Variants in RB1 observed in about 807,000 individuals in gnomAD.
RB1 encodes RB transcriptional corepressor 1, also known as retinoblastoma-associated protein.
RB1 carries 18 observed loss-of-function variants against 135.4 expected under a neutral mutation model. The observed-to-expected ratio is 0.13, with a 90% CI of 0.09 to 0.20. RB1 has a LOEUF of 0.20. Ranked by LOEUF, RB1 falls within the 10% of genes least tolerant of loss-of-function variation. The pLI, the probability that RB1 is intolerant of heterozygous loss-of-function variation, is 1.00. For synonymous variants in RB1, 365 were observed against 373.2 expected (o/e 0.98, Z 0.25); for missense variants, 868 against 1,110.0 (o/e 0.78, Z 3.10).
chr13:48,342,480 A>C, intron 2 of RB1, 119 bp from the exon 3 acceptor site: 1 of 684,932 alleles, frequency 1.5e-6, no homozygotes, highest in Non-Finnish European at 2.6e-6. Context: ...AATATACAGT[A>C]TTACAAACAT....
At chr13:48,311,955 CCT>C (rs1952134475) in intron 2 of RB1, among the ~76,000 whole-genome samples, 1 of 152,240 alleles carries the variant, frequency 6.6e-6, no homozygotes, top group South Asian at 2.1e-4. Flanking sequence ...CTGCCCTCGG[CCT>C]CCCAAAGTGC....
intron 1 of RB1, among the ~76,000 whole-genome samples, chr13:48,304,439 G>A (rs757661094): frequency 7.2e-5 from 11 of 152,164 alleles, no homozygotes; most frequent in African/African-American, 1.2e-4. Context: ...GAGTACTCCG[G>A]TGGTCGTCTG....
At position 48,363,215 on chromosome 13, in the gene RB1, T is replaced by C. The variant is rs985110199; in HGVS notation, c.861+258T>C. Among the ~76,000 whole-genome samples, 3 of 152,036 alleles carry C rather than the reference T, an allele frequency of 2.0e-5. No homozygotes were observed. In the East Asian group the frequency reaches 5.8e-4, roughly 29 times the overall value. On this transcript the variant is annotated intron_variant, in intron 8 of 26. Transcript: ENST00000267163. Reference sequence around the variant, plus strand: ...AGTTTTCAAATGTAGTTTTTTTTTTTTTTTATTCCTCTGAGGTTACTGATA... The same window carrying C: ...AGTTTTCAAATGTAGTTTTTTTTTTCTTTTATTCCTCTGAGGTTACTGATA...
intron 17 of RB1, among the ~76,000 whole-genome samples, chr13:48,400,683 T>C (rs1436738763): frequency 6.6e-6 from 1 of 152,158 alleles, no homozygotes; most frequent in Admixed American, 6.6e-5. Context: ...TTGGTGTGGT[T>C]CTGAACAAAT....
chr13:48,319,687 C>T lies in RB1; in HGVS notation c.264+12281C>T, dbSNP rs1307475750. ...TGCGCCACCTTTGCGGCTAGCTCTTCGTGGGATTTCAAGAGTGACTTGGTC... is the reference window on the plus strand; with the variant it reads ...TGCGCCACCTTTGCGGCTAGCTCTTTGTGGGATTTCAAGAGTGACTTGGTC... On this transcript the variant is annotated intron_variant, in intron 2 of 26. Transcript: ENST00000267163. The surrounding 1 kb of genome is among the most constrained non-coding windows in gnomAD (Gnocchi z 5.0). The T allele has an allele frequency of 7.9e-6, 2 of 253,598 alleles. No homozygotes were observed. The highest frequency in any genetic ancestry group is 2.3e-5 in the African/African-American group (1 of 43,514). 15.7% of individuals were successfully genotyped at this position (253,598 alleles called of 1,614,324 possible).
At chr13:48,328,772 C>A (rs1952309773) in intron 2 of RB1, among the ~76,000 whole-genome samples, 1 of 152,216 alleles carries the variant, frequency 6.6e-6, no homozygotes, top group African/African-American at 2.4e-5. Context: ...TATAACACCT[C>A]TCTCATAGGA....
Position 48,319,688 on chromosome 13 carries a change from G to T in RB1, c.264+12282G>T. ...GCGCCACCTTTGCGGCTAGCTCTTCGTGGGATTTCAAGAGTGACTTGGTCG... is the reference window on the plus strand; with the variant it reads ...GCGCCACCTTTGCGGCTAGCTCTTCTTGGGATTTCAAGAGTGACTTGGTCG... On this transcript the variant is annotated intron_variant, in intron 2 of 26. Coordinates refer to ENST00000267163, the MANE Select transcript of RB1 (RefSeq NM_000321.3). This position sits in a 1 kb window ranked among gnomAD's most constrained non-coding sequence, Gnocchi z 5.0. 1 of 254,132 alleles carries T rather than the reference G, an allele frequency of 3.9e-6. No individual in the cohort carries two copies. Among genetic ancestry groups the T allele is most frequent in the Admixed American group, 3.8e-5 (1 of 26,366 alleles). The allele number at this position is 254,132 out of a possible 1,614,324, so 15.7% of individuals were successfully genotyped here.
intron 17 of RB1, among the ~76,000 whole-genome samples, chr13:48,419,361 C>G (rs992599726): frequency 1.1e-4 from 16 of 152,006 alleles, no homozygotes; most frequent in Non-Finnish European, 1.9e-4. Flanking sequence ...ACAACATACC[C>G]AAATCTCTGG....
At chr13:48,423,706 G>A (rs539529285) in intron 17 of RB1, among the ~76,000 whole-genome samples, 2 of 152,258 alleles carry the variant, frequency 1.3e-5, no homozygotes, top group South Asian at 4.1e-4. Context: ...AATCAAATGA[G>A]AGAGTATGTG....
intron 17 of RB1, chr13:48,412,563 T>G: frequency 1.5e-6 from 1 of 682,838 alleles, no homozygotes; most frequent in Non-Finnish European, 2.7e-6. Flanking sequence ...AATATTTCCT[T>G]TTTCTCAGAA....
At chr13:48,446,431 C>A (rs1321794940) in intron 17 of RB1, among the ~76,000 whole-genome samples, 1 of 152,204 alleles carries the variant, frequency 6.6e-6, no homozygotes, top group Non-Finnish European at 1.5e-5. Flanking sequence ...ATAAGATAGA[C>A]AAAGCCCAAG....
At chr13:48,415,272 C>CT (rs1948888907) in intron 17 of RB1, among the ~76,000 whole-genome samples, 2 of 151,436 alleles carry the variant, frequency 1.3e-5, no homozygotes, top group Non-Finnish European at 1.5e-5. Flanking sequence ...TTTTTCTTTT[C>CT]TTTTCTTTTT....
intron 21 of RB1, among the ~76,000 whole-genome samples, chr13:48,464,758 C>T (rs1949426705): frequency 1.3e-5 from 2 of 152,248 alleles, no homozygotes; most frequent in South Asian, 2.1e-4. Flanking sequence ...TCTGCTGCTG[C>T]CTGGCTATTT....
At chr13:48,367,072 T>C (rs1952708243) in intron 9 of RB1, among the ~76,000 whole-genome samples, 2 of 147,758 alleles carry the variant, frequency 1.4e-5, no homozygotes, top group Admixed American at 1.4e-4. Context: ...TGAGCCGAGA[T>C]TGTGCCACTG....
chr13:48,380,634 G>A (rs1262930618), intron 16 of RB1, among the ~76,000 whole-genome samples: 5 of 152,090 alleles, frequency 3.3e-5, no homozygotes, highest in Non-Finnish European at 4.4e-5. Context: ...AGAATCCACT[G>A]GATAAACAGA....
chr13:48,336,140 A>G (rs544935129), intron 2 of RB1, among the ~76,000 whole-genome samples: 2 of 151,734 alleles, frequency 1.3e-5, no homozygotes, highest in Non-Finnish European at 2.9e-5. Context: ...ATCAGTCTAA[A>G]ATTCTCTTTT....
intron 17 of RB1, chr13:48,424,072 C>T (rs1017694355): frequency 1.0e-4 from 16 of 152,578 alleles, no homozygotes; most frequent in Non-Finnish European, 1.8e-4. Context: ...ATGCAAAAAG[C>T]AGTTTTCTCA....
At chr13:48,347,605 T>G (rs931580866) in intron 4 of RB1, among the ~76,000 whole-genome samples, 2 of 152,096 alleles carry the variant, frequency 1.3e-5, no homozygotes, top group Non-Finnish European at 2.9e-5. Flanking sequence ...TATACCTTTT[T>G]TTTGAAGACT....
Position 48,319,032 on chromosome 13 carries a change from C to A in RB1, c.264+11626C>A. ...GTAGTCTTGGAAATGCCCAAGATTG[C>A]TTCCGCGCGCGTCAGTTCAGCGGAC... is the stretch of plus-strand genomic sequence containing the variant. On this transcript the variant is annotated intron_variant, in intron 2 of 26. Coordinates refer to ENST00000267163, the MANE Select transcript of RB1 (RefSeq NM_000321.3). The surrounding 1 kb of genome is among the most constrained non-coding windows in gnomAD (Gnocchi z 5.0). 1 of 659,636 alleles carries A rather than the reference C, an allele frequency of 1.5e-6. No individual in the cohort carries two copies. Among genetic ancestry groups the A allele is most frequent in the Non-Finnish European group, 2.8e-6 (1 of 357,788 alleles). The allele number at this position is 659,636 out of a possible 1,614,324, so 40.9% of individuals were successfully genotyped here. A position where few individuals can be genotyped will look rare whatever the true frequency, so the allele number is the denominator to read the frequency against.
Sources: allele counts gnomAD v4.1 joint callset (sites outside exome capture counted in the v4.1 genomes callset), GRCh38; gene constraint gnomAD v4.1.1; non-coding constraint Gnocchi (gnomAD v3.1); transcripts MANE v1.5; gene names NCBI Gene and HGNC (gene_info 2026-07-23, HGNC 2026-07-21).